The following MOXD1 variants were observed in gnomAD, a reference collection of about 807,000 sequenced individuals.
The protein encoded by MOXD1 is DBH-like monooxygenase protein 1.
MOXD1 carries 62 observed loss-of-function variants against 66.6 expected under a neutral mutation model. The observed-to-expected ratio is 0.93, with a 90% confidence interval of 0.76 to 1.15. MOXD1 has a LOEUF of 1.15. Ranked by LOEUF, MOXD1 falls within the 50% of genes most tolerant of loss-of-function variation. MOXD1 has a pLI of 0.00. For synonymous variants in MOXD1, 303 were observed against 281.9 expected (o/e 1.07, Z -0.75); for missense variants, 847 against 754.6 (o/e 1.12, Z -1.44).
intron 4 of MOXD1, among the ~76,000 whole-genome samples, chr6:132,331,184 T>C (rs1449125556): frequency 6.6e-6 from 1 of 152,202 alleles, no homozygotes; most frequent in Admixed American, 6.5e-5. Context: ...CGTTTTTGGG[T>C]TCCTCGGTCC....
chr6:132,370,070 T>A (rs1204196328), intron 4 of MOXD1, among the ~76,000 whole-genome samples: 1 of 152,114 alleles, frequency 6.6e-6, no homozygotes, highest in Non-Finnish European at 1.5e-5. Context: ...ATAAAATCAA[T>A]CTTCTCATTT....
At position 132,357,572 on chromosome 6, in the gene MOXD1, A is replaced by G. The variant is rs1775932970; in HGVS notation, c.663+15036T>C. Reference sequence around the variant, plus strand: ...TAATATACCATATAAAAATCTAGTTAAATATAAATATTTCAATTTTTCCCT... The same window carrying G: ...TAATATACCATATAAAAATCTAGTTGAATATAAATATTTCAATTTTTCCCT... On this transcript the variant is annotated intron_variant, in intron 4 of 11. Transcript: ENST00000367963. 9.2e-5 allele frequency among the ~76,000 whole-genome samples: 14 copies of G among 152,258 alleles called. No homozygotes were observed. The South Asian group carries it at 2.9e-3, about 32-fold the overall frequency.
chr6:132,328,014 T>C lies in MOXD1; in HGVS notation c.945A>G (p.Glu315=), dbSNP rs770458019. The change falls in exon 6 of 12, where the codon GAA becomes GAG. Residue 315 remains glutamate, a splice_region_variant and synonymous_variant. Coordinates refer to ENST00000367963, the MANE Select transcript of MOXD1 (RefSeq NM_015529.4). ...AAAACATATGAATAATAAACTCACC[T>C]TCCTCATAAGTGGGATTATCATAAT... ...EVHYDNPTYE[E]GLIDNSGLRL... is the part of the protein sequence containing the mutation. 1.6e-5 allele frequency: 25 copies of C among 1,608,284 alleles called. No homozygotes were observed. The East Asian group carries it at 5.6e-4, about 36-fold the overall frequency.
intron 9 of MOXD1, among the ~76,000 whole-genome samples, chr6:132,316,007 G>A (rs542324572): frequency 4.3e-4 from 65 of 152,124 alleles, no homozygotes; most frequent in South Asian, 1.2e-3. Flanking sequence ...TAAATTCTGC[G>A]GATGGGATGT....
At position 132,320,643 on chromosome 6, in the gene MOXD1, C is replaced by T. The variant is rs1562281085; in HGVS notation, c.1351G>A (p.Ala451Thr). 6.2e-7 allele frequency: 1 copy of T among 1,610,152 alleles called. No individual in the cohort carries two copies. Among genetic ancestry groups the T allele is most frequent in the Admixed American group, 1.7e-5 (1 of 59,626 alleles). Residue 451 changes from alanine (A) to threonine (T), a missense_variant, in exon 9 of 12, where the codon GCT becomes ACT. Physicochemically the swap from Ala to Thr is moderately conservative, Grantham distance 58. Coordinates refer to ENST00000367963, the MANE Select transcript of MOXD1 (RefSeq NM_015529.4). ...TECRYNTKDR[A>T]EMTWGGLSTR... ...AGTTTTCTTACCCAAGTCATCTCAG[C>T]TCTATCTTTCGTGTTGTAGCGACAC...
intron 1 of MOXD1, among the ~76,000 whole-genome samples, chr6:132,399,010 T>C (rs1007343251): frequency 2.0e-5 from 3 of 150,846 alleles, no homozygotes; most frequent in Non-Finnish European, 3.0e-5. Context: ...CTCACACTAG[T>C]GTATGAAGAA....
intron 1 of MOXD1, chr6:132,390,580 C>T (rs1370154326): frequency 6.6e-6 from 1 of 151,632 alleles, no homozygotes; most frequent in African/African-American, 2.4e-5. Flanking sequence ...GTGTCCCCAG[C>T]ATCTCGAAGT....
chr6:132,386,796 C>A (rs1211791398), intron 1 of MOXD1, among the ~76,000 whole-genome samples: 1 of 151,388 alleles, frequency 6.6e-6, no homozygotes, highest in Non-Finnish European at 1.5e-5. Context: ...ACAAGGCAAT[C>A]TACTCAATTT....
At chr6:132,309,322 A>G (rs1461530881) in intron 10 of MOXD1, among the ~76,000 whole-genome samples, 1 of 152,202 alleles carries the variant, frequency 6.6e-6, no homozygotes, top group African/African-American at 2.4e-5. Context: ...AGGGATGTGA[A>G]GGACCTCTTT....
Position 132,386,423 on chromosome 6 carries a change from C to CAAAAAAAAAAAAAAAAAAAA in MOXD1, c.265-11647_265-11646insTTTTTTTTTTTTTTTTTTTT, listed in dbSNP as rs1221040038. ...TCTCAAAAAACAAAACAAAACAAAA[C>CAAAAAAAAAAAAAAAAAAAA]AAAACAAAACAAAAAAAAAAAACAA... On this transcript the variant is annotated intron_variant, in intron 1 of 11. Transcript: ENST00000367963. Among the ~76,000 whole-genome samples the CAAAAAAAAAAAAAAAAAAAA allele has an allele frequency of 2.5e-5, 2 of 79,198 alleles. 1 individual carries two copies. The highest frequency in any genetic ancestry group is 9.2e-5 in the African/African-American group (2 of 21,766). 52.0% of individuals were successfully genotyped at this position (79,198 alleles called of 152,430 possible). A position where few individuals can be genotyped will look rare whatever the true frequency, so the allele number is the denominator to read the frequency against.
chr6:132,369,035 A>G (rs887594157), intron 4 of MOXD1, among the ~76,000 whole-genome samples: 2 of 152,230 alleles, frequency 1.3e-5, no homozygotes, highest in Non-Finnish European at 2.9e-5. Flanking sequence ...ATCTTATCAT[A>G]CTGTACTCAC....
In MOXD1 at chr6:132,311,096, C is replaced by T. The variant is rs1774819927; in HGVS notation, c.1508+4539G>A. Among the ~76,000 whole-genome samples the T allele has an allele frequency of 3.9e-5, 6 of 152,128 alleles. No homozygotes were observed. In the South Asian group the frequency reaches 1.2e-3, roughly 32 times the overall value. On this transcript the variant is annotated intron_variant, in intron 10 of 11. Coordinates refer to ENST00000367963, the MANE Select transcript of MOXD1 (RefSeq NM_015529.4). ...TCCTACAAGTAAAGGAAAAATTCCT[C>T]CATTCGTCCAGAGAGATCTCCCAAG...
chr6:132,303,675 G>C (rs949110496), intron 10 of MOXD1, among the ~76,000 whole-genome samples: 1 of 143,420 alleles, frequency 7.0e-6, no homozygotes, highest in South Asian at 2.2e-4. Context: ...TCCATGTTCT[G>C]CATCTGGGAA....
intron 1 of MOXD1, among the ~76,000 whole-genome samples, chr6:132,386,590 C>A (rs1017934363): frequency 5.3e-5 from 8 of 151,374 alleles, no homozygotes; most frequent in African/African-American, 1.9e-4. Flanking sequence ...CTAATGTCTT[C>A]CCTTCCATTC....
chr6:132,393,225 T>C (rs571218385), intron 1 of MOXD1, among the ~76,000 whole-genome samples: 69 of 152,076 alleles, frequency 4.5e-4, no homozygotes, highest in Non-Finnish European at 7.5e-4. Flanking sequence ...TTGCCCCCAA[T>C]TTCAGTAGTG....
At chr6:132,322,564 A>T in intron 8 of MOXD1, 115 bp downstream of exon 8, 2 of 1,013,348 alleles carry the variant, frequency 2.0e-6, no homozygotes, top group Non-Finnish European at 2.8e-6. Flanking sequence ...GGGTGGTGTT[A>T]AGAATACAGA....
intron 4 of MOXD1, among the ~76,000 whole-genome samples, chr6:132,354,586 T>C (rs1257775046): frequency 6.6e-6 from 1 of 152,166 alleles, no homozygotes; most frequent in African/African-American, 2.4e-5. Flanking sequence ...TCTGTGAGGG[T>C]TCTTACCTTT....
chr6:132,306,888 G>A (rs58860907), intron 10 of MOXD1, among the ~76,000 whole-genome samples: 2,286 of 152,260 alleles, frequency 0.015, 64 homozygotes, highest in African/African-American at 0.052. Flanking sequence ...GGAAAAACTC[G>A]TACCAGCCAC....
chr6:132,328,011 A>C lies in MOXD1; in HGVS notation c.946+2T>G. 1 of 1,606,656 alleles carries C rather than the reference A, an allele frequency of 6.2e-7. No homozygotes were observed. The highest frequency in any genetic ancestry group is 8.5e-7 in the Non-Finnish European group (1 of 1,173,792). On this transcript the variant is annotated splice_donor_variant, in intron 6 of 11. Coordinates refer to ENST00000367963, the MANE Select transcript of MOXD1 (RefSeq NM_015529.4). LOFTEE classifies it high-confidence loss of function. ...GGTAAAACATATGAATAATAAACTC[A>C]CCTTCCTCATAAGTGGGATTATCAT...
Sources: gnomAD v4.1 joint callset for allele counts (sites outside exome capture counted in the v4.1 genomes callset) on GRCh38, gnomAD v4.1.1 for gene constraint, MANE v1.5 for transcripts, NCBI Gene and HGNC (gene_info 2026-07-23, HGNC 2026-07-21) for gene names.